Variants in FRMD3 observed in about 807,000 individuals in gnomAD.
FRMD3 encodes the protein FERM domain containing 3.
Under a neutral mutation model 70.2 loss-of-function variants are expected in FRMD3, and 33 were observed. The ratio of observed to expected loss-of-function variants is 0.47; its 90% confidence interval spans 0.36 to 0.63. The LOEUF is 0.63. Among genes scored for constraint, FRMD3 ranks in the 20% least tolerant of loss-of-function variants. The pLI, the probability that FRMD3 is intolerant of heterozygous loss-of-function variation, is 0.00. For missense variants in FRMD3, 632 were observed against 711.4 expected, an observed-to-expected ratio of 0.89 and a Z score of 1.27; for synonymous variants, 279 against 255.9, an observed-to-expected ratio of 1.09 and a Z score of -0.86.
At chr9:83,313,614 G>A (rs749228784) in intron 7 of FRMD3, 46 bp downstream of exon 7, 1 of 1,461,630 alleles carries the variant, frequency 6.8e-7, no homozygotes, top group Non-Finnish European at 9.6e-7. Context: ...ACTCTCTTTT[G>A]GGCAAAACAA....
the FRMD3 span, among the ~76,000 whole-genome samples, chr9:83,577,603 G>A: frequency 2.8e-4 from 42 of 152,008 alleles, no homozygotes; most frequent in East Asian, 5.2e-3. Flanking sequence ...AAAACTCTTC[G>A]GAGAAAACAT....
At chr9:83,342,936 A>C (rs1587746316) in intron 5 of FRMD3, among the ~76,000 whole-genome samples, 1 of 151,942 alleles carries the variant, frequency 6.6e-6, no homozygotes, top group East Asian at 1.9e-4. Context: ...AGAGCTTTTG[A>C]CTCTGACTCA....
At chr9:83,364,278 G>A (rs555402013) in intron 3 of FRMD3, among the ~76,000 whole-genome samples, 2 of 152,260 alleles carry the variant, frequency 1.3e-5, no homozygotes, top group South Asian at 2.1e-4. Context: ...ATCTACTCTG[G>A]CTGGGCACGG....
chr9:83,423,963 C>T (rs1243252577), intron 1 of FRMD3, among the ~76,000 whole-genome samples: 1 of 152,174 alleles, frequency 6.6e-6, no homozygotes, highest in Non-Finnish European at 1.5e-5. Flanking sequence ...GTTGCAAATA[C>T]AGAACATCTC....
chr9:83,400,413 T>C (rs932872123), intron 1 of FRMD3, among the ~76,000 whole-genome samples: 1 of 152,202 alleles, frequency 6.6e-6, no homozygotes, highest in Non-Finnish European at 1.5e-5. Flanking sequence ...AATAAATGGA[T>C]ATTCTAGTAC....
intron 13 of FRMD3, among the ~76,000 whole-genome samples, chr9:83,267,468 C>T (rs1833323678): frequency 6.6e-6 from 1 of 152,154 alleles, no homozygotes; most frequent in African/African-American, 2.4e-5. Context: ...CAAATGTCCC[C>T]AAAAGATAAG....
intron 1 of FRMD3, among the ~76,000 whole-genome samples, chr9:83,485,184 A>C (rs1422027866): frequency 2.6e-5 from 4 of 152,240 alleles, no homozygotes; most frequent in African/African-American, 9.6e-5. Context: ...AGTTACGCTC[A>C]TTTCATTGGC....
intron 1 of FRMD3, among the ~76,000 whole-genome samples, chr9:83,467,911 A>C (rs1187356793): frequency 1.3e-5 from 2 of 152,216 alleles, no homozygotes; most frequent in African/African-American, 4.8e-5. Context: ...CTGGATATTA[A>C]GATGCAAGCT....
intron 13 of FRMD3, among the ~76,000 whole-genome samples, chr9:83,258,084 A>G (rs1007311814): frequency 3.3e-5 from 5 of 152,218 alleles, no homozygotes; most frequent in African/African-American, 1.2e-4. Flanking sequence ...AGTGCCTGCC[A>G]TGTACAGTCA....
chr9:83,562,602 A>T, the FRMD3 span, among the ~76,000 whole-genome samples: 1 of 152,228 alleles, frequency 6.6e-6, no homozygotes, highest in African/African-American at 2.4e-5. Context: ...TCTACACCTT[A>T]GCTGTCCTGT....
intron 1 of FRMD3, among the ~76,000 whole-genome samples, chr9:83,410,092 C>G (rs1396746554): frequency 6.6e-6 from 1 of 152,206 alleles, no homozygotes; most frequent in Non-Finnish European, 1.5e-5. Context: ...AATATCCTTC[C>G]TTTCACACAT....
chr9:83,313,782 A>G, intron 6 of FRMD3, 35 bp from the exon 7 acceptor site: 1 of 1,499,326 alleles, frequency 6.7e-7, no homozygotes, highest in South Asian at 1.1e-5. Flanking sequence ...GGCAGTTAAA[A>G]TGGAAAAGAA....
chr9:83,288,297 A>C (rs1299715428), intron 13 of FRMD3, among the ~76,000 whole-genome samples: 7 of 152,226 alleles, frequency 4.6e-5, no homozygotes, highest in Admixed American at 4.6e-4. Context: ...GAATTTGACT[A>C]GTAACAGAGG....
chr9:83,498,743 AAAAG>A (rs1259100821), intron 1 of FRMD3, among the ~76,000 whole-genome samples: 7 of 42,382 alleles, frequency 1.7e-4, no homozygotes, highest in East Asian at 1.6e-3. Context: ...CCCTTTAAAA[AAAAG>A]AAAAGAAAAC....
In FRMD3 at chr9:83,315,460, C is replaced by A. The variant is rs374047465; in HGVS notation, c.597-1713G>T. On this transcript the variant is annotated intron_variant, in intron 6 of 13. Transcript: ENST00000304195. Reference sequence around the variant, plus strand: ...CCCCAACGTTGGAGGAGGGGCCTGGCGGGAGGTGATTGGATCATGGGGGCA... The same window carrying A: ...CCCCAACGTTGGAGGAGGGGCCTGGAGGGAGGTGATTGGATCATGGGGGCA... Among the ~76,000 whole-genome samples the A allele has an allele frequency of 5.9e-5, 9 of 152,144 alleles. No homozygotes were observed. In the South Asian group the frequency reaches 1.5e-3, roughly 25 times the overall value.
chr9:83,466,613 C>T (rs935096857), intron 1 of FRMD3, among the ~76,000 whole-genome samples: 2 of 152,100 alleles, frequency 1.3e-5, no homozygotes, highest in Non-Finnish European at 2.9e-5. Context: ...TTTCTAGGTA[C>T]CCTAGAAAAG....
At chr9:83,566,604 A>G in the FRMD3 span, among the ~76,000 whole-genome samples, 1 of 152,228 alleles carries the variant, frequency 6.6e-6, no homozygotes, top group East Asian at 1.9e-4. Flanking sequence ...CTTCCTAGAT[A>G]CAATGGGGGT....
In FRMD3 at chr9:83,292,344, G is replaced by C. The variant is rs564568415; in HGVS notation, c.1071-1617C>G. 2.6e-5 allele frequency among the ~76,000 whole-genome samples: 4 copies of C among 151,994 alleles called. No individual in the cohort carries two copies. In the East Asian group the frequency reaches 5.9e-4, roughly 22 times the overall value. On this transcript the variant is annotated intron_variant, in intron 12 of 13. Coordinates refer to ENST00000304195, the MANE Select transcript of FRMD3 (RefSeq NM_174938.6). ...CAGCTAAATTTTTGTATTTTTAGTA[G>C]AGACGGGGTTCACTGTGTTAACCAG...
intron 6 of FRMD3, among the ~76,000 whole-genome samples, chr9:83,332,763 G>T (rs984151223): frequency 2.0e-5 from 3 of 152,174 alleles, no homozygotes; most frequent in Non-Finnish European, 4.4e-5. Flanking sequence ...CCCAACAAAA[G>T]CCAACTGGAA....
Sources: allele counts gnomAD v4.1 joint callset (sites outside exome capture counted in the v4.1 genomes callset), GRCh38; gene constraint gnomAD v4.1.1; transcripts MANE v1.5; gene names NCBI Gene and HGNC (gene_info 2026-07-23, HGNC 2026-07-21).